Variants in ROBO1 observed in about 807,000 individuals in gnomAD.
The protein encoded by ROBO1 is roundabout homolog 1.
A neutral mutation model predicts 195.9 loss-of-function variants in ROBO1; 149 were observed. The observed-to-expected ratio is 0.76, with a 90% CI of 0.67 to 0.87. ROBO1 has a LOEUF of 0.87. Among genes scored for constraint, ROBO1 ranks in the 40% least tolerant of loss-of-function variants. The pLI, the probability that ROBO1 is intolerant of heterozygous loss-of-function variation, is 0.00. For synonymous variants in ROBO1, 816 were observed against 733.2 expected (o/e 1.11, Z -1.82); for missense variants, 1,933 against 2,068.3 (o/e 0.93, Z 1.27).
intron 11 of ROBO1, among the ~76,000 whole-genome samples, chr3:78,669,800 T>C (rs1054090557): frequency 1.3e-5 from 2 of 152,186 alleles, no homozygotes; most frequent in Non-Finnish European, 2.9e-5. Flanking sequence ...TACCACTACT[T>C]TGAAGATATT....
chr3:79,117,126 G>A (rs895492751), intron 3 of ROBO1, among the ~76,000 whole-genome samples: 2 of 151,992 alleles, frequency 1.3e-5, no homozygotes, highest in South Asian at 2.1e-4. Context: ...CAGCATTTTG[G>A]GGGGCCAAGG....
chr3:79,212,751 CAG>C (rs913828151), intron 2 of ROBO1, among the ~76,000 whole-genome samples: 3 of 151,600 alleles, frequency 2.0e-5, no homozygotes, highest in African/African-American at 7.3e-5. Context: ...ACCCCAGAGG[CAG>C]AGGCTGCAAT....
At chr3:79,046,292 C>T (rs545847329) in intron 3 of ROBO1, among the ~76,000 whole-genome samples, 1 of 151,944 alleles carries the variant, frequency 6.6e-6, no homozygotes, top group Non-Finnish European at 1.5e-5. Flanking sequence ...CTAATAGCCA[C>T]CTGAGGGAGC....
rs190753870 is a variant in ROBO1 at position 79,547,812 on chromosome 3, T to G, written c.88+42012A>C. Among the ~76,000 whole-genome samples the G allele has an allele frequency of 8.5e-4, 130 of 152,322 alleles. 1 individual carries two copies. Among genetic ancestry groups the G allele is most frequent in the African/African-American group, 3.0e-3 (125 of 41,572 alleles). On this transcript the variant is annotated intron_variant, in intron 2 of 30. Transcript: ENST00000464233. ...ATCTCTTTGTTTTTCTAACTAATGC[T>G]ATCTAATGGAAATAGGATGTCCTGG...
chr3:79,398,923 GT>G (rs146239540), intron 2 of ROBO1, among the ~76,000 whole-genome samples: 179 of 148,514 alleles, frequency 1.2e-3, no homozygotes, highest in Middle Eastern at 0.01. Context: ...TAAAAAGTAT[GT>G]TTTTTTTTTC....
intron 1 of ROBO1, among the ~76,000 whole-genome samples, chr3:79,656,758 A>C (rs113245503): frequency 6.6e-6 from 1 of 151,972 alleles, no homozygotes; most frequent in Non-Finnish European, 1.5e-5. Context: ...ATAGCTGAGC[A>C]TGGTGGCACA....
chr3:78,809,603 A>G (rs1489040453), intron 4 of ROBO1, among the ~76,000 whole-genome samples: 1 of 132,588 alleles, frequency 7.5e-6, no homozygotes, highest in Admixed American at 7.7e-5. Flanking sequence ...ATGCCCATCA[A>G]TGATAGACTG....
At chr3:79,626,997 A>G (rs1209658216) in intron 1 of ROBO1, among the ~76,000 whole-genome samples, 1 of 152,068 alleles carries the variant, frequency 6.6e-6, no homozygotes, top group Non-Finnish European at 1.5e-5. Flanking sequence ...TCAAGGAAAT[A>G]AGGGATGACC....
intron 2 of ROBO1, among the ~76,000 whole-genome samples, chr3:79,218,881 G>T (rs2082095090): frequency 2.6e-5 from 4 of 151,854 alleles, no homozygotes; most frequent in East Asian, 1.9e-4. Flanking sequence ...GTAGGTAAAA[G>T]AATATTATTC....
At chr3:79,309,610 A>AAAAT (rs971168458) in intron 2 of ROBO1, among the ~76,000 whole-genome samples, 13 of 152,196 alleles carry the variant, frequency 8.5e-5, no homozygotes, top group South Asian at 2.1e-4. Flanking sequence ...GGTCTCAATA[A>AAAAT]AAATAAATAA....
At chr3:79,015,277 T>A (rs2077897295) in intron 3 of ROBO1, among the ~76,000 whole-genome samples, 1 of 151,794 alleles carries the variant, frequency 6.6e-6, no homozygotes, top group Non-Finnish European at 1.5e-5. Flanking sequence ...GAAAGCAAGA[T>A]GGAAGGAGGG....
At position 78,731,066 on chromosome 3, in the gene ROBO1, G is replaced by T. The variant is rs554924541; in HGVS notation, c.658-13183C>A. On this transcript the variant is annotated intron_variant, in intron 5 of 30. Transcript: ENST00000464233. ...CATCCTGACCATTTCTATTTCTATA[G>T]TTATTGGTGAAAACAAAATAAAAGA... 3.9e-5 allele frequency among the ~76,000 whole-genome samples: 6 copies of T among 152,142 alleles called. No homozygotes were observed. In the East Asian group the frequency reaches 1.2e-3, roughly 29 times the overall value.
At chr3:79,760,236 C>CAAAAAAAAAAAAAAAAAAAAAAA (rs11451206) in intron 1 of ROBO1, among the ~76,000 whole-genome samples, 1 of 4,512 alleles carries the variant, frequency 2.2e-4, no homozygotes, top group Non-Finnish European at 4.3e-4. Flanking sequence ...GACCCTATCT[C>CAAAAAAAAAAAAAAAAAAAAAAA]AAAAAAAAAA....
intron 4 of ROBO1, among the ~76,000 whole-genome samples, chr3:78,831,146 C>T (rs1470954448): frequency 6.6e-6 from 1 of 151,922 alleles, no homozygotes; most frequent in African/African-American, 2.4e-5. Context: ...CTCCTGACCT[C>T]GTGATCCACC....
intron 1 of ROBO1, among the ~76,000 whole-genome samples, chr3:79,666,169 C>G (rs1946470686): frequency 6.6e-6 from 1 of 151,830 alleles, no homozygotes; most frequent in African/African-American, 2.4e-5. Context: ...TGAGAATGCT[C>G]TCTGAGAATG....
At chr3:78,659,564 G>C (rs1707246339) in intron 17 of ROBO1, 122 bp downstream of exon 17, 2 of 651,448 alleles carry the variant, frequency 3.1e-6, no homozygotes. Flanking sequence ...AATTTTACAT[G>C]TTGCTATTTG....
intron 2 of ROBO1, among the ~76,000 whole-genome samples, chr3:79,365,402 A>C (rs2035931890): frequency 1.3e-5 from 2 of 152,164 alleles, no homozygotes; most frequent in African/African-American, 2.4e-5. Context: ...ATGCATTTCT[A>C]TCATAGCCCC....
At chr3:78,711,394 C>CTTTCTTTCTTTCTTTCTTTCTTT (rs1491495795) in intron 8 of ROBO1, among the ~76,000 whole-genome samples, 1 of 36,348 alleles carries the variant, frequency 2.8e-5, no homozygotes, top group African/African-American at 8.5e-5. Flanking sequence ...TTCCTTCCTT[C>CTTTCTTTCTTTCTTTCTTTCTTT]CTTCCTTTCT....
rs2037848842 is a variant in ROBO1, at chr3:78,905,473, G to A, written c.499+33128C>T. Among the ~76,000 whole-genome samples the A allele has an allele frequency of 2.0e-5, 3 of 152,122 alleles. 1 individual carries two copies. The South Asian group carries it at 6.2e-4, about 32-fold the overall frequency. On this transcript the variant is annotated intron_variant, in intron 4 of 30. Coordinates refer to ENST00000464233, the MANE Select transcript of ROBO1 (RefSeq NM_002941.4). ...TGCAACATAGAGGGACCCTAAATTA[G>A]CCAGACGTGGTAGTATGCACCTATA...
Sources: gnomAD v4.1 joint callset for allele counts (sites outside exome capture counted in the v4.1 genomes callset) on GRCh38, gnomAD v4.1.1 for gene constraint, MANE v1.5 for transcripts, NCBI Gene and HGNC (gene_info 2026-07-23, HGNC 2026-07-21) for gene names.